UNC5D: variants seen among roughly 807,000 people sequenced by gnomAD.
The protein encoded by UNC5D is unc-5 netrin receptor D, also known as netrin receptor UNC5D.
Under a neutral mutation model 105.4 loss-of-function variants are expected in UNC5D, and 39 were observed. That is an observed-to-expected ratio of 0.37 (90% CI 0.29 to 0.48). The LOEUF (loss-of-function observed/expected upper bound fraction) is 0.48. UNC5D is among the 20% of genes least tolerant of loss of function. UNC5D has a pLI of 0.98. For missense variants in UNC5D, 991 were observed against 1,202.4 expected (o/e 0.82, Z 2.60); for synonymous variants, 452 against 450.4 (o/e 1.00, Z -0.04).
At chr8:35,391,302 T>C (rs1215364564) in intron 1 of UNC5D, among the ~76,000 whole-genome samples, 2 of 152,230 alleles carry the variant, frequency 1.3e-5, no homozygotes, top group African/African-American at 2.4e-5. Context: ...CAGCTCCAGA[T>C]TGAAATTCTT....
rs543896502 is a variant in UNC5D at position 35,722,250 on chromosome 8, G to T, written c.1158G>T (p.Leu386Phe). The part of the protein sequence containing the change: ...NASDIALYSG[L>F]GAAVVAVAVL... ...GCGACATTGCTTTGTACTCGGGCTT[G>T]GGTGCTGCCGTCGTGGCCGTTGCAG... is the stretch of plus-strand genomic sequence containing the variant. The change falls in exon 9 of 17, where the codon TTG (leucine) becomes TTT (phenylalanine). Residue 386 changes from leucine to phenylalanine, a missense_variant. By Grantham distance (22) the Leu-to-Phe change is conservative. Transcript: ENST00000404895. 13 of 1,614,110 alleles carry T rather than the reference G, an allele frequency of 8.1e-6. No individual in the cohort carries two copies. The South Asian group carries it at 1.3e-4, about 16-fold the overall frequency.
rs934772393 is a variant in UNC5D, at chr8:35,252,366, A to C, written c.103+16479A>C. Among the ~76,000 whole-genome samples, 7 of 151,896 alleles carry C rather than the reference A, an allele frequency of 4.6e-5. No individual in the cohort carries two copies. In the East Asian group the frequency reaches 1.2e-3, roughly 25 times the overall value. On this transcript the variant is annotated intron_variant, in intron 1 of 16. Coordinates refer to ENST00000404895, the MANE Select transcript of UNC5D (RefSeq NM_080872.4). Reference sequence around the variant, plus strand: ...CACTCCTCTACATATTTCTCCTTTAACCCATTTTTCTGGTCCTTCTTAAAA... The same window carrying C: ...CACTCCTCTACATATTTCTCCTTTACCCCATTTTTCTGGTCCTTCTTAAAA...
intron 16 of UNC5D, among the ~76,000 whole-genome samples, chr8:35,784,034 T>G (rs546757190): frequency 1.3e-5 from 2 of 152,286 alleles, no homozygotes; most frequent in East Asian, 3.9e-4. Flanking sequence ...AGTTGGCCTA[T>G]GTCTAGCATA....
chr8:35,290,963 AAAG>A (rs1807021632), intron 1 of UNC5D, among the ~76,000 whole-genome samples: 1 of 151,978 alleles, frequency 6.6e-6, no homozygotes, highest in African/African-American at 2.4e-5. Context: ...AAAAAAAAAA[AAAG>A]AGGTGTGACT....
Position 35,793,692 on chromosome 8 carries a change from A to G in UNC5D, c.*3129A>G, listed in dbSNP as rs1429764861. ...TGCTTCTACATTCTTACTGGTTTAC[A>G]TTAAAATCCTTTAAGCCAAAAGGAA... On this transcript the variant is annotated 3_prime_UTR_variant, in exon 17 of 17. Coordinates refer to ENST00000404895, the MANE Select transcript of UNC5D (RefSeq NM_080872.4). 1 of 152,706 alleles carries G rather than the reference A, an allele frequency of 6.5e-6. No homozygotes were observed. Among genetic ancestry groups the G allele is most frequent in the Non-Finnish European group, 1.5e-5 (1 of 68,098 alleles). The allele number at this position is 152,706 out of a possible 1,614,324, so 9.5% of individuals were successfully genotyped here.
At chr8:35,335,791 T>G (rs35365523) in intron 1 of UNC5D, among the ~76,000 whole-genome samples, 1 of 126,408 alleles carries the variant, frequency 7.9e-6, no homozygotes, top group South Asian at 2.6e-4. Context: ...TGAGACGGAG[T>G]GTCGCTCTGT....
At chr8:35,236,214 T>C (rs1270461389) in intron 1 of UNC5D, among the ~76,000 whole-genome samples, 1 of 152,214 alleles carries the variant, frequency 6.6e-6, no homozygotes, top group African/African-American at 2.4e-5. Context: ...CGCTCTCCCC[T>C]CTCCTCTCCA....
chr8:35,678,294 C>T (rs1262084338), intron 4 of UNC5D, among the ~76,000 whole-genome samples: 1 of 152,160 alleles, frequency 6.6e-6, no homozygotes, highest in Non-Finnish European at 1.5e-5. Context: ...TGAGATACCT[C>T]ACTTCTGCAT....
At chr8:35,543,225 A>G (rs1176466653) in intron 1 of UNC5D, among the ~76,000 whole-genome samples, 1 of 151,820 alleles carries the variant, frequency 6.6e-6, no homozygotes, top group African/African-American at 2.4e-5. Flanking sequence ...TACTTTGGAG[A>G]CAGAAAAAGC....
chr8:35,754,351 A>G (rs544547616), intron 13 of UNC5D, among the ~76,000 whole-genome samples: 2 of 152,370 alleles, frequency 1.3e-5, no homozygotes, highest in South Asian at 2.1e-4. Flanking sequence ...TAGGAAATCA[A>G]TGTGAACATG....
intron 3 of UNC5D, among the ~76,000 whole-genome samples, chr8:35,568,767 C>G (rs1254292473): frequency 1.3e-5 from 2 of 152,156 alleles, no homozygotes; most frequent in African/African-American, 2.4e-5. Flanking sequence ...GAGATTCTGC[C>G]TAGACAGTCG....
chr8:35,676,176 A>G (rs889970961), intron 4 of UNC5D, among the ~76,000 whole-genome samples: 3 of 152,106 alleles, frequency 2.0e-5, no homozygotes, highest in African/African-American at 4.8e-5. Context: ...ATGAAATCTA[A>G]TTGTCTTTGA....
At chr8:35,383,869 C>T (rs921164025) in intron 1 of UNC5D, among the ~76,000 whole-genome samples, 3 of 151,944 alleles carry the variant, frequency 2.0e-5, no homozygotes, top group Admixed American at 6.6e-5. Flanking sequence ...GCTTCAGCCC[C>T]GGAATTTGGG....
chr8:35,417,642 T>C lies in UNC5D; in HGVS notation c.104-131650T>C, dbSNP rs187213735. 1.4e-3 allele frequency among the ~76,000 whole-genome samples: 206 copies of C among 152,300 alleles called. 1 individual carries two copies. Among genetic ancestry groups the C allele is most frequent in the African/African-American group, 4.7e-3 (194 of 41,570 alleles). On this transcript the variant is annotated intron_variant, in intron 1 of 16. Coordinates refer to ENST00000404895, the MANE Select transcript of UNC5D (RefSeq NM_080872.4). ...ATAGATTTTTTTTTAATGACACAAG[T>C]CTAGGTGTTACACCAATAAATTTTC...
intron 1 of UNC5D, among the ~76,000 whole-genome samples, chr8:35,300,183 C>G (rs950400700): frequency 6.6e-6 from 1 of 151,962 alleles, no homozygotes; most frequent in Non-Finnish European, 1.5e-5. Context: ...CATGGTGGCT[C>G]ACGCCTGTAA....
chr8:35,468,781 C>G (rs1298821062), intron 1 of UNC5D, among the ~76,000 whole-genome samples: 2 of 152,142 alleles, frequency 1.3e-5, no homozygotes, highest in African/African-American at 4.8e-5. Context: ...TACATGGTGT[C>G]ATTGAAAACA....
intron 16 of UNC5D, among the ~76,000 whole-genome samples, chr8:35,786,745 G>T (rs1802762935): frequency 6.6e-6 from 1 of 152,060 alleles, no homozygotes; most frequent in African/African-American, 2.4e-5. Flanking sequence ...TCAAATGCAG[G>T]AAGTTCAGCC....
At chr8:35,516,375 G>A (rs535201007) in intron 1 of UNC5D, among the ~76,000 whole-genome samples, 95 of 152,286 alleles carry the variant, frequency 6.2e-4, no homozygotes, top group Non-Finnish European at 1.1e-3. Flanking sequence ...CTGAAAATCT[G>A]TTCTGGTTTG....
intron 4 of UNC5D, among the ~76,000 whole-genome samples, chr8:35,615,542 C>G (rs934345239): frequency 2.0e-5 from 3 of 152,132 alleles, no homozygotes; most frequent in African/African-American, 7.2e-5. Context: ...TGCTCTGTCA[C>G]TCAGGCTGGA....
Sources: gnomAD v4.1 joint callset for allele counts (sites outside exome capture counted in the v4.1 genomes callset) on GRCh38, gnomAD v4.1.1 for gene constraint, MANE v1.5 for transcripts, NCBI Gene and HGNC (gene_info 2026-07-23, HGNC 2026-07-21) for gene names.